Variants in KCTD1 observed in about 807,000 individuals in gnomAD.
KCTD1 encodes potassium channel tetramerization domain containing 1.
In KCTD1, 24 loss-of-function variants were observed where a neutral mutation model predicts 66.0. That is an observed-to-expected ratio of 0.36 (90% CI 0.26 to 0.51). KCTD1 has a LOEUF of 0.51. KCTD1 is among the 20% of genes least tolerant of loss of function. KCTD1 has a pLI of 0.95. For synonymous variants in KCTD1, 511 were observed against 517.2 expected, an observed-to-expected ratio of 0.99 and a Z score of 0.16; for missense variants, 943 against 1,205.2, an observed-to-expected ratio of 0.78 and a Z score of 3.22.
intron 1 of KCTD1, among the ~76,000 whole-genome samples, chr18:26,527,658 G>T (rs1485294888): frequency 6.6e-6 from 1 of 152,150 alleles, no homozygotes. Context: ...TATGGACCTT[G>T]AGTGATAACA....
At chr18:26,543,280 A>AC (rs1985061577) in intron 1 of KCTD1, 1 of 152,264 alleles carries the variant, frequency 6.6e-6, no homozygotes, top group Non-Finnish European at 1.5e-5. Flanking sequence ...AAGGCAGTTA[A>AC]TCTTAATAGC....
At chr18:26,490,714 C>A (rs958833632) in intron 2 of KCTD1, among the ~76,000 whole-genome samples, 1 of 151,896 alleles carries the variant, frequency 6.6e-6, no homozygotes, top group Non-Finnish European at 1.5e-5. Context: ...AGACTACTGG[C>A]GGATCTGTTA....
chr18:26,555,359 AGG>A (rs1985682087), intron 1 of KCTD1, among the ~76,000 whole-genome samples: 1 of 152,246 alleles, frequency 6.6e-6, no homozygotes, highest in African/African-American at 2.4e-5. Context: ...TGGGAGGCGA[AGG>A]TTGCAATGAG....
chr18:26,597,660 T>G (rs1287155081), intron 1 of KCTD1, among the ~76,000 whole-genome samples: 3 of 9,076 alleles, frequency 3.3e-4, no homozygotes, highest in Admixed American at 9.1e-4. Context: ...GTCTTGGTGT[T>G]TTTTTTTTTT....
chr18:26,475,416 C>CT (rs1458404878), intron 3 of KCTD1, among the ~76,000 whole-genome samples: 1 of 152,206 alleles, frequency 6.6e-6, no homozygotes, highest in Non-Finnish European at 1.5e-5. Flanking sequence ...TTATTCAACT[C>CT]TTTTACACTT....
At chr18:26,563,459 C>G (rs1489090265) in intron 1 of KCTD1, among the ~76,000 whole-genome samples, 1 of 152,190 alleles carries the variant, frequency 6.6e-6, no homozygotes, top group Non-Finnish European at 1.5e-5. Context: ...CTCATCCTAC[C>G]TTGACTCTTA....
chr18:26,651,368 G>C (rs1239677193), intron 1 of KCTD1, among the ~76,000 whole-genome samples: 3 of 152,202 alleles, frequency 2.0e-5, no homozygotes, highest in Non-Finnish European at 4.4e-5. Context: ...TCCCTGCTCT[G>C]CCACTAGCCT....
chr18:26,469,261 T>C (rs1408982559), intron 3 of KCTD1, among the ~76,000 whole-genome samples: 1 of 151,906 alleles, frequency 6.6e-6, no homozygotes, highest in African/African-American at 2.4e-5. Context: ...AAATAGCAGG[T>C]CTTTAAGAGC....
chr18:26,515,504 T>G lies in KCTD1; in HGVS notation c.1810-14254A>C, dbSNP rs1983608675. ...GCTTAGACTCTGAAAACAGGCCTCT[T>G]TTTTCTTTTTTTTTTTTTTTTGAGA... On this transcript the variant is annotated intron_variant, in intron 1 of 4. Coordinates refer to ENST00000580059, the MANE Select transcript of KCTD1 (RefSeq NM_001142730.3). Among the ~76,000 whole-genome samples the G allele has an allele frequency of 3.6e-5, 4 of 109,628 alleles. No individual in the cohort carries two copies. In the South Asian group the frequency reaches 1.1e-3, roughly 29 times the overall value. 71.9% of individuals were successfully genotyped at this position (109,628 alleles called of 152,430 possible).
At chr18:26,514,132 A>G (rs1485425884) in intron 1 of KCTD1, among the ~76,000 whole-genome samples, 1 of 152,246 alleles carries the variant, frequency 6.6e-6, no homozygotes, top group African/African-American at 2.4e-5. Flanking sequence ...CCTGTAGAAC[A>G]GAGAAAAAAT....
At chr18:26,600,398 C>G (rs1030877686) in intron 1 of KCTD1, 1 of 893,546 alleles carries the variant, frequency 1.1e-6, no homozygotes, top group African/African-American at 1.6e-5. Flanking sequence ...TCCCTCAAAT[C>G]CCACCACGGT....
intron 1 of KCTD1, among the ~76,000 whole-genome samples, chr18:26,504,751 C>T (rs1248687587): frequency 6.6e-6 from 1 of 152,194 alleles, no homozygotes; most frequent in Admixed American, 6.5e-5. Flanking sequence ...TTGTATTAGA[C>T]ACTGAAGTTG....
intron 1 of KCTD1, chr18:26,599,939 C>T: frequency 6.3e-7 from 1 of 1,593,248 alleles, no homozygotes; most frequent in Non-Finnish European, 8.6e-7. Flanking sequence ...TTTTCCATCA[C>T]CAAGAAGTCT....
chr18:26,547,596 G>A lies in KCTD1; in HGVS notation c.941C>T (p.Thr314Met). 6.4e-7 allele frequency: 1 copy of A among 1,551,334 alleles called. No homozygotes were observed. Among genetic ancestry groups the A allele is most frequent in the Non-Finnish European group, 8.7e-7 (1 of 1,146,738 alleles). Residue 314 changes from threonine to methionine, a missense_variant, in exon 1 of 5, where the codon ACG becomes ATG. By Grantham distance (81) the Thr-to-Met change is moderately conservative. Coordinates refer to ENST00000580059, the MANE Select transcript of KCTD1 (RefSeq NM_001142730.3). ...FGLLNKVWFE[T>M]CMYFCTRGRE... ...GCCGCGGGTACAGAAGTACATGCAC[G>A]TCTCGAACCAGACCTTGTTGAGCAG...
rs1411013044 is a variant in KCTD1 at position 26,476,069 on chromosome 18, C to G, written c.2133+446G>C. Among the ~76,000 whole-genome samples, 5 of 152,168 alleles carry G rather than the reference C, an allele frequency of 3.3e-5. No homozygotes were observed. Among genetic ancestry groups the G allele is most frequent in the Non-Finnish European group, 7.4e-5 (5 of 68,012 alleles). Reference sequence around the variant, plus strand: ...TGTCTGACTCCATTGCCTAGAGTTACCAGCACAATGTGGGCTATCTCAGCG... The same window carrying G: ...TGTCTGACTCCATTGCCTAGAGTTAGCAGCACAATGTGGGCTATCTCAGCG... On this transcript the variant is annotated intron_variant, in intron 3 of 4. Coordinates refer to ENST00000580059, the MANE Select transcript of KCTD1 (RefSeq NM_001142730.3). This position sits in a 1 kb window ranked among gnomAD's most constrained non-coding sequence, Gnocchi z 4.9.
At chr18:26,620,097 G>T (rs956874791) in intron 1 of KCTD1, among the ~76,000 whole-genome samples, 3 of 152,214 alleles carry the variant, frequency 2.0e-5, no homozygotes, top group African/African-American at 7.2e-5. Context: ...GAGATGAGGG[G>T]TTTTTGTTTG....
chr18:26,637,572 A>G (rs1226457878), intron 1 of KCTD1, among the ~76,000 whole-genome samples: 2 of 152,224 alleles, frequency 1.3e-5, no homozygotes, highest in East Asian at 3.8e-4. Flanking sequence ...AGCCATGACT[A>G]AGAAGCCTGG....
At chr18:26,498,744 A>G (rs1046801308) in intron 2 of KCTD1, among the ~76,000 whole-genome samples, 1 of 152,102 alleles carries the variant, frequency 6.6e-6, no homozygotes, top group African/African-American at 2.4e-5. Flanking sequence ...GATCCATGGA[A>G]TTTGATGCAT....
rs970198963 is a variant in KCTD1 at position 26,489,703 on chromosome 18, T to C, written c.1988+11369A>G. On this transcript the variant is annotated intron_variant, in intron 2 of 4. Coordinates refer to ENST00000580059, the MANE Select transcript of KCTD1 (RefSeq NM_001142730.3). ...AGCTTGAGAATAACTTGTACGGGAT[T>C]TTCTTCCAGCCTAGCATACGCATAG... Among the ~76,000 whole-genome samples, 5 of 152,332 alleles carry C rather than the reference T, an allele frequency of 3.3e-5. No individual in the cohort carries two copies. In the East Asian group the frequency reaches 9.6e-4, roughly 29 times the overall value.
Sources: allele counts gnomAD v4.1 joint callset (sites outside exome capture counted in the v4.1 genomes callset), GRCh38; gene constraint gnomAD v4.1.1; non-coding constraint Gnocchi (gnomAD v3.1); transcripts MANE v1.5; gene names NCBI Gene and HGNC (gene_info 2026-07-23, HGNC 2026-07-21).